The following PTPN14 variants were observed in gnomAD, a reference collection of about 807,000 sequenced individuals.
PTPN14 encodes the protein protein tyrosine phosphatase non-receptor type 14.
A neutral mutation model predicts 126.8 loss-of-function variants in PTPN14; 53 were observed. That is an observed-to-expected ratio of 0.42 (90% confidence interval 0.34 to 0.53). The LOEUF is 0.53. Among genes scored for constraint, PTPN14 ranks in the 20% least tolerant of loss-of-function variants. The pLI is 0.08. For missense variants in PTPN14, 1,257 were observed against 1,552.9 expected, an observed-to-expected ratio of 0.81 and a Z score of 3.20; for synonymous variants, 630 against 599.3, an observed-to-expected ratio of 1.05 and a Z score of -0.75.
chr1:214,501,443 T>C (rs970844163), intron 1 of PTPN14, among the ~76,000 whole-genome samples: 2 of 152,054 alleles, frequency 1.3e-5, no homozygotes, highest in Admixed American at 1.3e-4. Context: ...GGCTTCGTGA[T>C]GTTGGGCAGG....
At chr1:214,522,981 TGTG>T (rs1339534259) in intron 1 of PTPN14, among the ~76,000 whole-genome samples, 2 of 152,184 alleles carry the variant, frequency 1.3e-5, no homozygotes. Context: ...CTTTTGAAAT[TGTG>T]GTGGTGATCA....
chr1:214,531,499 AAC>A (rs58506242), intron 1 of PTPN14: 8,913 of 129,300 alleles, frequency 0.069, 296 homozygotes, highest in African/African-American at 0.074. Context: ...AACCCAGCCT[AAC>A]ACACACACAC....
chr1:214,481,705 G>C (rs1215128840), intron 1 of PTPN14, among the ~76,000 whole-genome samples: 2 of 151,970 alleles, frequency 1.3e-5, no homozygotes, highest in African/African-American at 4.8e-5. Flanking sequence ...GCAAGAATGA[G>C]CTAGGCGCGG....
intron 1 of PTPN14, among the ~76,000 whole-genome samples, chr1:214,514,265 C>T (rs553060179): frequency 6.6e-6 from 1 of 152,234 alleles, no homozygotes; most frequent in South Asian, 2.1e-4. Context: ...AGGCAATAAA[C>T]CTAGTGCTTG....
intron 3 of PTPN14, 106 bp downstream of exon 3, chr1:214,451,699 G>GCACCCA: frequency 1.5e-6 from 2 of 1,306,768 alleles, no homozygotes; most frequent in Non-Finnish European, 2.1e-6. Context: ...CCACACACCC[G>GCACCCA]CACCCACACC....
chr1:214,435,497 T>TA (rs962148690), intron 3 of PTPN14, among the ~76,000 whole-genome samples: 48 of 148,470 alleles, frequency 3.2e-4, no homozygotes, highest in Admixed American at 1.8e-3. Context: ...TGAAACCCTT[T>TA]AAAAAAAAAA....
intron 2 of PTPN14, among the ~76,000 whole-genome samples, chr1:214,453,988 T>A (rs1660328677): frequency 6.6e-6 from 1 of 152,160 alleles, no homozygotes; most frequent in Admixed American, 6.5e-5. Context: ...GGTATTCAAT[T>A]CAAGAAACTT....
intron 1 of PTPN14, among the ~76,000 whole-genome samples, chr1:214,477,889 C>T (rs948175159): frequency 6.6e-6 from 1 of 152,200 alleles, no homozygotes; most frequent in South Asian, 2.1e-4. Flanking sequence ...ACTCCTTTTG[C>T]TCTTCTGATT....
intron 2 of PTPN14, among the ~76,000 whole-genome samples, chr1:214,462,666 T>C (rs796654223): frequency 1.3e-5 from 2 of 152,344 alleles, no homozygotes; most frequent in African/African-American, 4.8e-5. Flanking sequence ...CATCGCCTTT[T>C]GGGCCTACCC....
chr1:214,449,571 TGTGTTCC>T (rs1660226403), intron 3 of PTPN14, among the ~76,000 whole-genome samples: 4 of 152,236 alleles, frequency 2.6e-5, no homozygotes, highest in African/African-American at 9.6e-5. Flanking sequence ...AACTTAATGC[TGTGTTCC>T]TAGCACCGTG....
chr1:214,488,563 T>C (rs1341681196), intron 1 of PTPN14, among the ~76,000 whole-genome samples: 1 of 152,212 alleles, frequency 6.6e-6, no homozygotes, highest in African/African-American at 2.4e-5. Flanking sequence ...CTTAACAATA[T>C]CTGCCCTTTG....
intron 1 of PTPN14, chr1:214,532,996 C>T (rs370499053): frequency 9.8e-5 from 74 of 757,958 alleles, no homozygotes; most frequent in African/African-American, 4.1e-4. Flanking sequence ...CTGGTCTGAG[C>T]GGACTGAGGA....
Position 214,402,942 on chromosome 1 carries a change from C to T in PTPN14, c.522G>A (p.Leu174=). 6.2e-7 allele frequency: 1 copy of T among 1,614,002 alleles called. No homozygotes were observed. The highest frequency in any genetic ancestry group is 8.5e-7 in the Non-Finnish European group (1 of 1,179,940). ...EYVLFPMDLA[L]EEAVLEELTQ... is the part of the protein sequence containing the mutation. ...TCAGCTCCTCCAGAACAGCCTCTTCCAGGGCCAAATCCTATAAGAATAGAA... is the reference window on the plus strand; with the variant it reads ...TCAGCTCCTCCAGAACAGCCTCTTCTAGGGCCAAATCCTATAAGAATAGAA... The change falls in exon 6 of 19, where the codon CTG becomes CTA. Residue 174 remains leucine, a synonymous_variant. Transcript: ENST00000366956.
At chr1:214,443,809 C>A (rs1341794531) in intron 3 of PTPN14, among the ~76,000 whole-genome samples, 1 of 152,208 alleles carries the variant, frequency 6.6e-6, no homozygotes, top group Non-Finnish European at 1.5e-5. Context: ...GAAGCTGGTC[C>A]TGGTCCCAGG....
intron 3 of PTPN14, among the ~76,000 whole-genome samples, chr1:214,424,714 A>T (rs908857754): frequency 2.0e-5 from 3 of 151,692 alleles, no homozygotes; most frequent in African/African-American, 7.3e-5. Flanking sequence ...ATTATTTTTT[A>T]TTTTTGGTAT....
chr1:214,405,914 G>A (rs1287246990), intron 5 of PTPN14, among the ~76,000 whole-genome samples: 1 of 152,138 alleles, frequency 6.6e-6, no homozygotes, highest in Non-Finnish European at 1.5e-5. Context: ...GCCAATAAGA[G>A]GCACAGCTGG....
intron 1 of PTPN14, chr1:214,532,043 T>A (rs1313419638): frequency 1.2e-5 from 2 of 160,658 alleles, no homozygotes; most frequent in Admixed American, 1.2e-4. Context: ...TTGATTGAGA[T>A]AAAAGTTATA....
At chr1:214,515,481 C>T (rs1327798777) in intron 1 of PTPN14, among the ~76,000 whole-genome samples, 13 of 151,334 alleles carry the variant, frequency 8.6e-5, no homozygotes, top group Non-Finnish European at 1.5e-5. Flanking sequence ...GGATCAGCTT[C>T]TCTATTTAAG....
At chr1:214,448,075 C>T (rs1378998479) in intron 3 of PTPN14, among the ~76,000 whole-genome samples, 1 of 152,184 alleles carries the variant, frequency 6.6e-6, no homozygotes, top group Admixed American at 6.5e-5. Flanking sequence ...ATTTAAATAC[C>T]TTTTGTTTTA....
Sources: allele counts gnomAD v4.1 joint callset (sites outside exome capture counted in the v4.1 genomes callset), GRCh38; gene constraint gnomAD v4.1.1; transcripts MANE v1.5; gene names NCBI Gene and HGNC (gene_info 2026-07-23, HGNC 2026-07-21).